Variants in PCDHGA5 observed in about 807,000 individuals in gnomAD.
The protein encoded by PCDHGA5 is protocadherin gamma subfamily A, 5.
A neutral mutation model predicts 56.7 loss-of-function variants in PCDHGA5; 36 were observed. The ratio of observed to expected loss-of-function variants is 0.64; its 90% CI spans 0.49 to 0.84. The LOEUF is 0.84. Among genes scored for constraint, PCDHGA5 ranks in the 40% least tolerant of loss-of-function variants. The pLI is 0.00. For synonymous variants in PCDHGA5, 563 were observed against 520.2 expected (o/e 1.08, Z -1.12); for missense variants, 1,305 against 1,201.5 (o/e 1.09, Z -1.27).
At position 141,486,881 on chromosome 5, in the gene PCDHGA5, G is replaced by T. The variant is rs114512641; in HGVS notation, c.2422-7926G>T. The T allele has an allele frequency of 1.3e-5, 21 of 1,614,090 alleles. No homozygotes were observed. The East Asian group carries it at 4.7e-4, about 36-fold the overall frequency. ...TGCTCCAGCTGTGCTCCGTCCTCGG[G>T]CCCGGCCTGGTTCCTTATGTCCCCA... is the stretch of plus-strand genomic sequence containing the variant. On this transcript the variant is annotated intron_variant, in intron 1 of 3. Coordinates refer to ENST00000518069, the MANE Select transcript of PCDHGA5 (RefSeq NM_018918.3). This position sits in a 1 kb window ranked among gnomAD's most constrained non-coding sequence, Gnocchi z 5.0.
In PCDHGA5 at chr5:141,432,142, C is replaced by T; in HGVS notation, c.2422-62665C>T. 1 of 1,614,098 alleles carries T rather than the reference C, an allele frequency of 6.2e-7. No individual in the cohort carries two copies. Among genetic ancestry groups the T allele is most frequent in the Non-Finnish European group, 8.5e-7 (1 of 1,180,016 alleles). On this transcript the variant is annotated intron_variant, in intron 1 of 3. Transcript: ENST00000518069. This position sits in a 1 kb window ranked among gnomAD's most constrained non-coding sequence, Gnocchi z 6.0. Reference sequence around the variant, plus strand: ...CTCAGGCCTCCTATTCCGCTTATATCCCAGAGAACAATCCCAGAGGAGTTT... The same window carrying T: ...CTCAGGCCTCCTATTCCGCTTATATTCCAGAGAACAATCCCAGAGGAGTTT...
At position 141,502,349 on chromosome 5, in the gene PCDHGA5, T is replaced by C. The variant is rs369766657; in HGVS notation, c.2481-3044T>C. 1.3e-3 allele frequency among the ~76,000 whole-genome samples: 200 copies of C among 152,292 alleles called. 3 individuals carry two copies. In the South Asian group the frequency reaches 0.034, roughly 26 times the overall value. On this transcript the variant is annotated intron_variant, in intron 2 of 3. Transcript: ENST00000518069. ...GCTCCCAGTCTTTTTATTTTTTTAA[T>C]GACATGGATATTTTTAAAGAGTCCA...
intron 1 of PCDHGA5, chr5:141,405,162 C>T: frequency 6.2e-7 from 1 of 1,614,098 alleles, no homozygotes; most frequent in Non-Finnish European, 8.5e-7. Flanking sequence ...GGTGTGCCCA[C>T]CTCACACTTT....
At chr5:141,463,796 G>T (rs139760353) in intron 1 of PCDHGA5, among the ~76,000 whole-genome samples, 3 of 152,114 alleles carry the variant, frequency 2.0e-5, no homozygotes, top group Non-Finnish European at 2.9e-5. Flanking sequence ...TTGAACAAAT[G>T]TCTAAAAGCT....
chr5:141,421,443 GAC>G (rs771422215), intron 1 of PCDHGA5: 47 of 1,613,988 alleles, frequency 2.9e-5, no homozygotes, highest in Non-Finnish European at 3.6e-5. Context: ...CCAGAGGGAA[GAC>G]ACAGCTTTTC....
At chr5:141,443,475 G>T (rs994058112) in intron 1 of PCDHGA5, among the ~76,000 whole-genome samples, 1 of 152,148 alleles carries the variant, frequency 6.6e-6, no homozygotes, top group African/African-American at 2.4e-5. Flanking sequence ...GACAGAATTA[G>T]ACCCTGTCCC....
intron 1 of PCDHGA5, among the ~76,000 whole-genome samples, chr5:141,381,826 C>CTTCTTTT (rs1777532522): frequency 2.4e-4 from 18 of 74,296 alleles, no homozygotes; most frequent in Admixed American, 1.2e-3. Context: ...CTTTCTTCTT[C>CTTCTTTT]TTTTTTTTTT....
chr5:141,417,833 G>A (rs968698994), intron 1 of PCDHGA5: 8 of 1,529,614 alleles, frequency 5.2e-6, no homozygotes, highest in Middle Eastern at 1.7e-4. Context: ...TGGAAAAGCG[G>A]GGACCCAGCG....
At chr5:141,400,456 T>C (rs1439726103) in intron 1 of PCDHGA5, 2 of 1,614,090 alleles carry the variant, frequency 1.2e-6, no homozygotes, top group Non-Finnish European at 1.7e-6. Flanking sequence ...AGACATACTT[T>C]GTGGTGATTC....
chr5:141,424,880 C>G (rs2096845847), intron 1 of PCDHGA5, among the ~76,000 whole-genome samples: 1 of 152,162 alleles, frequency 6.6e-6, no homozygotes, highest in Admixed American at 6.5e-5. Context: ...GGAAAGGAGA[C>G]TTATCTAGGG....
Position 141,432,454 on chromosome 5 carries a change from C to T in PCDHGA5, c.2422-62353C>T, listed in dbSNP as rs751733947. On this transcript the variant is annotated intron_variant, in intron 1 of 3. Coordinates refer to ENST00000518069, the MANE Select transcript of PCDHGA5 (RefSeq NM_018918.3). The surrounding 1 kb of genome is among the most constrained non-coding windows in gnomAD (Gnocchi z 6.0). ...ACAATGCGCCCGAGATCCTGTACCC[C>T]GCCCTCCCCACGGACGGTTCCACTG... 134 of 1,614,108 alleles carry T rather than the reference C, an allele frequency of 8.3e-5. No homozygotes were observed. The highest frequency in any genetic ancestry group is 1.1e-4 in the Non-Finnish European group (133 of 1,180,058).
chr5:141,421,548 G>A, intron 1 of PCDHGA5: 19 of 1,613,984 alleles, frequency 1.2e-5, no homozygotes, highest in Non-Finnish European at 1.6e-5. Flanking sequence ...TTTTAAATAT[G>A]GAACTTCTCG....
intron 1 of PCDHGA5, among the ~76,000 whole-genome samples, chr5:141,407,479 T>C (rs1042229151): frequency 1.4e-5 from 2 of 144,060 alleles, no homozygotes; most frequent in East Asian, 1.9e-4. Context: ...GAATGGAGTA[T>C]GGAAAATCTT....
At chr5:141,414,762 T>G in intron 1 of PCDHGA5, 1 of 1,614,210 alleles carries the variant, frequency 6.2e-7, no homozygotes. Context: ...ATGAGCAGTT[T>G]CATGAGCTAC....
intron 2 of PCDHGA5, 58 bp downstream of exon 2, chr5:141,494,923 G>T: frequency 6.2e-7 from 1 of 1,613,698 alleles, no homozygotes; most frequent in Non-Finnish European, 8.5e-7. Context: ...CAGGGATGAC[G>T]TGGGAGGAGA....
intron 1 of PCDHGA5, chr5:141,423,323 C>T (rs200492485): frequency 6.2e-7 from 1 of 1,614,146 alleles, no homozygotes; most frequent in East Asian, 2.2e-5. Flanking sequence ...GTGGCGGTGG[C>T]CGCAGTCTCC....
At chr5:141,467,050 G>T (rs6580189) in intron 1 of PCDHGA5, among the ~76,000 whole-genome samples, 42,616 of 146,752 alleles carry the variant, frequency 0.29, 6,868 homozygotes, top group African/African-American at 0.45. Flanking sequence ...ATGAATCAAT[G>T]TTTTCTTTTT....
At chr5:141,478,795 C>T (rs919747545) in intron 1 of PCDHGA5, 7 of 1,468,056 alleles carry the variant, frequency 4.8e-6, no homozygotes, top group Non-Finnish European at 6.3e-6. Flanking sequence ...ACATCCTCAG[C>T]ACTCTTTTGC....
chr5:141,393,113 G>T (rs1296597974), intron 1 of PCDHGA5: 1 of 1,613,500 alleles, frequency 6.2e-7, no homozygotes. Context: ...CTCAGAGCCC[G>T]CGGTGTCTGA....
Sources: allele counts gnomAD v4.1 joint callset (sites outside exome capture counted in the v4.1 genomes callset), GRCh38; gene constraint gnomAD v4.1.1; non-coding constraint Gnocchi (gnomAD v3.1); transcripts MANE v1.5; gene names NCBI Gene and HGNC (gene_info 2026-07-23, HGNC 2026-07-21).